The following NXPE2 variants were observed in gnomAD, a reference collection of about 807,000 sequenced individuals.
NXPE2 encodes the protein NXPE family member 2.
Under a neutral mutation model 34.4 loss-of-function variants are expected in NXPE2, and 34 were observed. That is an observed-to-expected ratio of 0.99 (90% confidence interval 0.75 to 1.31). The LOEUF is 1.31. Ranked by LOEUF, NXPE2 falls within the 40% of genes most tolerant of loss-of-function variation. The pLI, the probability that NXPE2 is intolerant of heterozygous loss-of-function variation, is 0.00. For synonymous variants in NXPE2, 235 were observed against 231.3 expected (o/e 1.02, Z -0.15); for missense variants, 649 against 672.5 (o/e 0.97, Z 0.39).
At chr11:114,484,071 G>A in the NXPE2 span, among the ~76,000 whole-genome samples, 1 of 152,136 alleles carries the variant, frequency 6.6e-6, no homozygotes, top group African/African-American at 2.4e-5. Flanking sequence ...ACTTGGGAAA[G>A]TTCTCCGTCA....
Position 114,698,491 on chromosome 11 carries a change from C to T in NXPE2, c.579C>T (p.Leu193=), listed in dbSNP as rs764334825. ...WEGQVSLSLL[L]IHPSEGVSAL... ...GCCAGGTTTCCCTGTCTCTGCTGCT[C>T]ATCCACCCCAGTGAAGGGGTATCAG... Residue 193 remains leucine (L), a synonymous_variant, in exon 3 of 6, where the codon CTC becomes CTT. Coordinates refer to ENST00000389586, the MANE Select transcript of NXPE2 (RefSeq NM_182495.6). The T allele has an allele frequency of 1.9e-6, 3 of 1,613,984 alleles. No homozygotes were observed. The highest frequency in any genetic ancestry group is 2.7e-5 in the African/African-American group (2 of 74,946).
At chr11:114,749,211 G>T in the NXPE2 span, among the ~76,000 whole-genome samples, 1 of 152,090 alleles carries the variant, frequency 6.6e-6, no homozygotes, top group Non-Finnish European at 1.5e-5. Flanking sequence ...GCTCTATCAG[G>T]GGAGAGTTAG....
At chr11:114,637,453 G>A in the NXPE2 span, among the ~76,000 whole-genome samples, 2 of 151,782 alleles carry the variant, frequency 1.3e-5, no homozygotes, top group Non-Finnish European at 2.9e-5. Context: ...GGAGCATTTA[G>A]TCCATTTACA....
chr11:114,700,767 C>T (rs886087710), intron 3 of NXPE2, among the ~76,000 whole-genome samples: 17 of 152,192 alleles, frequency 1.1e-4, no homozygotes, highest in African/African-American at 4.1e-4. Context: ...TAATATGTAT[C>T]CCTTCAAGCA....
chr11:114,477,992 T>G, the NXPE2 span, among the ~76,000 whole-genome samples: 1 of 152,128 alleles, frequency 6.6e-6, no homozygotes, highest in South Asian at 2.1e-4. Flanking sequence ...CAGTGTTGCA[T>G]GGAAACTTTT....
chr11:114,656,989 G>A, the NXPE2 span, among the ~76,000 whole-genome samples: 1 of 152,116 alleles, frequency 6.6e-6, no homozygotes, highest in African/African-American at 2.4e-5. Context: ...AGCTACTCTG[G>A]AGGCTGAGGC....
the NXPE2 span, among the ~76,000 whole-genome samples, chr11:114,571,824 C>A: frequency 3.3e-5 from 5 of 152,178 alleles, no homozygotes; most frequent in Non-Finnish European, 7.4e-5. Context: ...AACAGGATCA[C>A]CACTGCAGGC....
chr11:114,781,160 G>A, the NXPE2 span, among the ~76,000 whole-genome samples: 8 of 152,212 alleles, frequency 5.3e-5, no homozygotes, highest in African/African-American at 1.4e-4. Context: ...CTAGGAACAT[G>A]TAAACACACT....
the NXPE2 span, among the ~76,000 whole-genome samples, chr11:114,578,632 G>A: frequency 5.3e-5 from 8 of 152,162 alleles, no homozygotes; most frequent in African/African-American, 9.7e-5. Context: ...GAGATCATGA[G>A]TGGCCTCATT....
the NXPE2 span, among the ~76,000 whole-genome samples, chr11:114,481,978 A>C: frequency 6.6e-6 from 1 of 152,144 alleles, no homozygotes; most frequent in African/African-American, 2.4e-5. Flanking sequence ...GGAACATAGC[A>C]CAGGTACCAT....
At chr11:114,777,842 C>A in the NXPE2 span, among the ~76,000 whole-genome samples, 1 of 152,146 alleles carries the variant, frequency 6.6e-6, no homozygotes, top group Admixed American at 6.5e-5. Flanking sequence ...AGATGGTGCA[C>A]CTCATTGGCT....
downstream of NXPE2, chr11:114,707,294 T>G (rs1400347612): frequency 6.9e-6 from 2 of 291,058 alleles, no homozygotes; most frequent in Non-Finnish European, 1.4e-5. Context: ...GGTTTCACTA[T>G]CTGGTTGGCC....
the NXPE2 span, among the ~76,000 whole-genome samples, chr11:114,802,536 G>A: frequency 6.6e-6 from 1 of 152,170 alleles, no homozygotes; most frequent in African/African-American, 2.4e-5. Flanking sequence ...GTGCTTCCTG[G>A]GGTCTAGCGT....
At chr11:114,565,603 T>C in the NXPE2 span, among the ~76,000 whole-genome samples, 3 of 151,450 alleles carry the variant, frequency 2.0e-5, no homozygotes, top group East Asian at 5.8e-4. Flanking sequence ...AGTGAAGTAA[T>C]TAAGAGTAAT....
intron 4 of NXPE2, among the ~76,000 whole-genome samples, chr11:114,704,298 C>T (rs1854186132): frequency 6.7e-6 from 1 of 150,370 alleles, no homozygotes; most frequent in African/African-American, 2.4e-5. Flanking sequence ...AGTGGCACTG[C>T]CTCAAAATGT....
At chr11:114,719,088 C>T in the NXPE2 span, among the ~76,000 whole-genome samples, 1 of 152,056 alleles carries the variant, frequency 6.6e-6, no homozygotes, top group African/African-American at 2.4e-5. Flanking sequence ...AAGATCTGTT[C>T]CTTGTATTAT....
At chr11:114,617,176 G>A in the NXPE2 span, among the ~76,000 whole-genome samples, 3 of 151,842 alleles carry the variant, frequency 2.0e-5, no homozygotes, top group African/African-American at 7.3e-5. Flanking sequence ...TTACCCAGTG[G>A]ATAATAAGTG....
the NXPE2 span, among the ~76,000 whole-genome samples, chr11:114,576,652 C>T: frequency 1.3e-5 from 2 of 151,950 alleles, no homozygotes; most frequent in Non-Finnish European, 2.9e-5. Flanking sequence ...GATACCACCT[C>T]AGTCCTGTAA....
At chr11:114,552,887 A>G in the NXPE2 span, 1 of 976,812 alleles carries the variant, frequency 1.0e-6, no homozygotes, top group Non-Finnish European at 1.2e-6. Flanking sequence ...TGCACTGAAA[A>G]TAAGGAGAAG....
Sources: gnomAD v4.1 joint callset for allele counts (sites outside exome capture counted in the v4.1 genomes callset) on GRCh38, gnomAD v4.1.1 for gene constraint, MANE v1.5 for transcripts, NCBI Gene and HGNC (gene_info 2026-07-23, HGNC 2026-07-21) for gene names.